Variants in NF1 observed in about 807,000 individuals in gnomAD.
NF1 encodes neurofibromin 1.
Under a neutral mutation model 325.7 loss-of-function variants are expected in NF1, and 122 were observed. That is an observed-to-expected ratio of 0.37 (90% CI 0.32 to 0.44). The LOEUF (loss-of-function observed/expected upper bound fraction) is 0.44, where lower values mean the gene tolerates loss of function less well. NF1 is among the 20% of genes least tolerant of loss of function. The probability of loss-of-function intolerance (pLI) is 1.00; values close to 1 mark genes in which losing one functional copy is unlikely to be tolerated. For synonymous variants in NF1, 1,091 were observed against 1,186.0 expected, an observed-to-expected ratio of 0.92 and a Z score of 1.65; for missense variants, 2,140 against 3,415.4, an observed-to-expected ratio of 0.63 and a Z score of 9.31.
Position 31,374,256 on chromosome 17 carries a change from T to C in NF1, c.*101T>C, listed in dbSNP as rs962788938. On this transcript the variant is annotated 3_prime_UTR_variant, in exon 58 of 58. Transcript: ENST00000358273. ...TTCCCCCCATGTTGTAATGCTGCAC[T>C]TCCTGTTTTATAATGAACCCATCCG... is the stretch of plus-strand genomic sequence containing the variant. 5.0e-5 allele frequency: 74 copies of C among 1,487,098 alleles called. No individual in the cohort carries two copies. The highest frequency in any genetic ancestry group is 6.6e-5 in the Non-Finnish European group (71 of 1,069,864). The allele number at this position is 1,487,098 out of a possible 1,614,324, so 92.1% of individuals were successfully genotyped here.
chr17:31,249,470 A>G (rs560768598), intron 30 of NF1, among the ~76,000 whole-genome samples: 3 of 152,326 alleles, frequency 2.0e-5, no homozygotes, highest in South Asian at 2.1e-4. Flanking sequence ...GGTGTTTCAC[A>G]GTTGAGGCGG....
At chr17:31,109,887 T>G (rs770596620) in intron 1 of NF1, among the ~76,000 whole-genome samples, 3 of 152,238 alleles carry the variant, frequency 2.0e-5, no homozygotes, top group African/African-American at 4.8e-5. Flanking sequence ...GTTTTAACTC[T>G]TCTGTTAATT....
intron 1 of NF1, among the ~76,000 whole-genome samples, chr17:31,147,245 T>C (rs1916641641): frequency 6.6e-6 from 1 of 152,230 alleles, no homozygotes; most frequent in Non-Finnish European, 1.5e-5. Context: ...AGTCACTGTT[T>C]TCCAGGGATC....
chr17:31,107,465 A>G (rs1424239236), intron 1 of NF1, among the ~76,000 whole-genome samples: 1 of 152,050 alleles, frequency 6.6e-6, no homozygotes, highest in East Asian at 1.9e-4. Context: ...AGGTTTCGCC[A>G]TCTTGCCCAG....
In NF1 at chr17:31,258,389, A is replaced by G. The variant is rs587781755; in HGVS notation, c.4219A>G (p.Ser1407Gly). Residue 1407 changes from serine (S) to glycine (G), a missense_variant, in exon 32 of 58, where the codon AGT becomes GGT. Coordinates refer to ENST00000358273, the MANE Select transcript of NF1 (RefSeq NM_001042492.3). The stretch of plus-strand genomic sequence containing the variant: ...TCAGAACAGCATCGGTGCAGTAGGA[A>G]GTGCCATGTTCCTCAGATTTATCAA... Reference protein sequence around the residue: ...FPQNSIGAVGSAMFLRFINPA... With the variant: ...FPQNSIGAVGGAMFLRFINPA... 1.5e-5 allele frequency: 25 copies of G among 1,613,978 alleles called. No homozygotes were observed. The highest frequency in any genetic ancestry group is 2.1e-5 in the Non-Finnish European group (25 of 1,179,918).
intron 1 of NF1, among the ~76,000 whole-genome samples, chr17:31,142,764 G>T (rs1916318434): frequency 6.6e-6 from 1 of 152,014 alleles, no homozygotes; most frequent in African/African-American, 2.4e-5. Context: ...CTACTCGGGA[G>T]GCTGAGGCAG....
chr17:31,203,030 A>G (rs372276207), intron 11 of NF1, among the ~76,000 whole-genome samples: 1 of 152,206 alleles, frequency 6.6e-6, no homozygotes, highest in African/African-American at 2.4e-5. Flanking sequence ...AAACCCAAAT[A>G]TATACTTTTT....
At chr17:31,363,851 C>T (rs2151591449) in intron 57 of NF1, among the ~76,000 whole-genome samples, 1 of 152,126 alleles carries the variant, frequency 6.6e-6, no homozygotes, top group African/African-American at 2.4e-5. Context: ...AGCTATTCCC[C>T]TGCCTCAGCC....
chr17:31,372,845 A>G (rs377493522), intron 57 of NF1, among the ~76,000 whole-genome samples: 1 of 152,044 alleles, frequency 6.6e-6, no homozygotes, highest in East Asian at 1.9e-4. Flanking sequence ...GTGAGACTCT[A>G]TCTCTAGACA....
Position 31,226,506 on chromosome 17 carries a change from G to C in NF1, c.2073G>C (p.Leu691=), listed in dbSNP as rs756988894. 6 of 1,613,904 alleles carry C rather than the reference G, an allele frequency of 3.7e-6. No individual in the cohort carries two copies. Among genetic ancestry groups the C allele is most frequent in the Non-Finnish European group, 5.1e-6 (6 of 1,179,816 alleles). ...CCCAGACCAAACTAGAAGTGGCCCT[G>C]TACATGTTTCTGTGGAACCCTGACA... ...RQAQTKLEVA[L]YMFLWNPDTE... The change falls in exon 18 of 58, where the codon CTG becomes CTC. Residue 691 remains leucine (L), a synonymous_variant. Coordinates refer to ENST00000358273, the MANE Select transcript of NF1 (RefSeq NM_001042492.3).
rs59199139 is a variant in NF1, at chr17:31,129,454, A to AT, written c.61-26509dup. Among the ~76,000 whole-genome samples, 609 of 126,414 alleles carry AT rather than the reference A, an allele frequency of 4.8e-3. 2 individuals are homozygous for AT. The highest frequency in any genetic ancestry group is 0.011 in the African/African-American group (403 of 35,678). 82.9% of individuals were successfully genotyped at this position (126,414 alleles called of 152,430 possible). On this transcript the variant is annotated intron_variant, in intron 1 of 57. Coordinates refer to ENST00000358273, the MANE Select transcript of NF1 (RefSeq NM_001042492.3). ...TTAATACTTGCGATTGCATTATGAAATTTTTTTTTTTTTTTTTTTTGAGAC... is the reference window on the plus strand; with the variant it reads ...TTAATACTTGCGATTGCATTATGAAATTTTTTTTTTTTTTTTTTTTTGAGAC...
chr17:31,217,834 G>A (rs188899747), intron 13 of NF1, among the ~76,000 whole-genome samples: 13 of 150,408 alleles, frequency 8.6e-5, no homozygotes, highest in South Asian at 2.1e-4. Flanking sequence ...ACGTGGTGGC[G>A]CATGCCTGTA....
intron 2 of NF1, among the ~76,000 whole-genome samples, chr17:31,156,524 G>A (rs575799727): frequency 8.1e-4 from 123 of 152,096 alleles, no homozygotes; most frequent in Non-Finnish European, 1.2e-4. Context: ...ATTTACTTAC[G>A]GTTGTCCCAG....
In NF1 at chr17:31,230,312, CTG is replaced by C. The variant is rs1597716910; in HGVS notation, c.3047_3048del (p.Cys1016SerfsTer4). On this transcript the variant is annotated frameshift_variant, in exon 23 of 58. Coordinates refer to ENST00000358273, the MANE Select transcript of NF1 (RefSeq NM_001042492.3). LOFTEE classifies it high-confidence loss of function. Reference sequence around the variant, plus strand: ...CCATGCAATTCAAATAAAAACGAAACTGTGTCAATTAGTTGAAGTAATGATGG... The same window carrying C: ...CCATGCAATTCAAATAAAAACGAAACTGTCAATTAGTTGAAGTAATGATGG... The part of the protein sequence containing the change: ...MVHAIQIKTK[L>X]CQLVEVMMAR... The C allele has an allele frequency of 6.2e-7, 1 of 1,613,396 alleles. No individual in the cohort carries two copies. The highest frequency in any genetic ancestry group is 8.5e-7 in the Non-Finnish European group (1 of 1,179,546).
rs2070728950 is a variant in NF1, at chr17:31,376,215, A to G, written c.*2060A>G. On this transcript the variant is annotated 3_prime_UTR_variant, in exon 58 of 58. Transcript: ENST00000358273. The stretch of plus-strand genomic sequence containing the variant: ...ATAGCAGGCAGTGTAAGCCTTTGAT[A>G]ACTTTAGTTCGATGTTTTTCTTGTT... 1 of 233,082 alleles carries G rather than the reference A, an allele frequency of 4.3e-6. No homozygotes were observed. Among genetic ancestry groups the G allele is most frequent in the Non-Finnish European group, 8.5e-6 (1 of 117,934 alleles). The allele number at this position is 233,082 out of a possible 1,614,324, so 14.4% of individuals were successfully genotyped here.
intron 29 of NF1, 68 bp downstream of exon 29, chr17:31,236,089 C>T: frequency 2.5e-6 from 3 of 1,205,092 alleles, no homozygotes; most frequent in Non-Finnish European, 2.4e-6. Flanking sequence ...GTTTTACTAA[C>T]ACTGCATGAA....
At chr17:31,117,127 G>A (rs913048402) in intron 1 of NF1, among the ~76,000 whole-genome samples, 1 of 151,728 alleles carries the variant, frequency 6.6e-6, no homozygotes, top group Non-Finnish European at 1.5e-5. Flanking sequence ...TACTACAGGC[G>A]TGCCGCCACG....
intron 48 of NF1, 101 bp downstream of exon 48, chr17:31,343,236 C>T (rs1435191823): frequency 8.4e-7 from 1 of 1,187,126 alleles, no homozygotes; most frequent in African/African-American, 1.5e-5. Context: ...TAAGTTAGCC[C>T]TTATGTCTTA....
intron 39 of NF1, among the ~76,000 whole-genome samples, chr17:31,333,607 A>G (rs1185075355): frequency 1.3e-5 from 2 of 152,228 alleles, no homozygotes; most frequent in African/African-American, 4.8e-5. Context: ...GCCAAAAGTC[A>G]AAGAATAAGG....
Sources: allele counts gnomAD v4.1 joint callset (sites outside exome capture counted in the v4.1 genomes callset), GRCh38; gene constraint gnomAD v4.1.1; transcripts MANE v1.5; gene names NCBI Gene and HGNC (gene_info 2026-07-23, HGNC 2026-07-21).